The following CPA5 variants were observed in gnomAD, a reference collection of about 807,000 sequenced individuals.
CPA5 encodes carboxypeptidase A5, also known as testicular tissue protein Li 32.
CPA5 carries 38 observed loss-of-function variants against 52.2 expected under a neutral mutation model. The ratio of observed to expected loss-of-function variants is 0.73; its 90% CI spans 0.56 to 0.95. The LOEUF (loss-of-function observed/expected upper bound fraction) is 0.95. Among genes scored for constraint, CPA5 ranks in the 40% least tolerant of loss-of-function variants. The pLI is 0.00. For missense variants in CPA5, 519 were observed against 566.7 expected (o/e 0.92, Z 0.86); for synonymous variants, 198 against 213.7 (o/e 0.93, Z 0.64).
At chr7:130,371,022 C>T (rs1482383690), downstream of CPA5, among the ~76,000 whole-genome samples, 1 of 152,188 alleles carries the variant, frequency 6.6e-6, no homozygotes, top group Admixed American at 6.5e-5. Flanking sequence ...TGGGGGCTGC[C>T]TTGGCCCTAG....
downstream of CPA5, among the ~76,000 whole-genome samples, chr7:130,370,621 G>C (rs1383793941): frequency 6.6e-6 from 1 of 152,156 alleles, no homozygotes; most frequent in Non-Finnish European, 1.5e-5. Context: ...AGCCATACAA[G>C]GCCACAATGG....
At chr7:130,371,207 A>G (rs1315578939), downstream of CPA5, among the ~76,000 whole-genome samples, 1 of 152,256 alleles carries the variant, frequency 6.6e-6, no homozygotes, top group Admixed American at 6.5e-5. Flanking sequence ...CCAAGCCGAA[A>G]TAAACTCTTT....
At chr7:130,363,040 G>A (rs1795882638) in intron 9 of CPA5, 46 bp downstream of exon 9, 1 of 1,198,702 alleles carries the variant, frequency 8.3e-7, no homozygotes, top group Admixed American at 1.8e-5. Context: ...AGCTCTAGGG[G>A]GATGGAGAAA....
At chr7:130,364,703 G>A (rs903688522) in intron 10 of CPA5, among the ~76,000 whole-genome samples, 6 of 152,220 alleles carry the variant, frequency 3.9e-5, no homozygotes, top group African/African-American at 1.4e-4. Context: ...ATTACTTTAT[G>A]ACCCTGGTGC....
chr7:130,349,852 A>C, intron 4 of CPA5, 123 bp from the exon 5 acceptor site: 2 of 1,150,960 alleles, frequency 1.7e-6, no homozygotes, highest in Non-Finnish European at 2.4e-6. Context: ...CCCCGTCCCC[A>C]TCTCCTGCGT....
intron 4 of CPA5, 102 bp from the exon 5 acceptor site, chr7:130,349,873 T>A (rs1416459753): frequency 2.2e-6 from 3 of 1,355,316 alleles, no homozygotes; most frequent in Non-Finnish European, 3.0e-6. Flanking sequence ...AGAAAGAGGG[T>A]CTCTACTGGC....
intron 4 of CPA5, 96 bp from the exon 5 acceptor site, chr7:130,349,879 C>T: frequency 7.1e-7 from 1 of 1,418,138 alleles, no homozygotes; most frequent in Non-Finnish European, 9.5e-7. Context: ...AGGGTCTCTA[C>T]TGGCTGAGAG....
chr7:130,361,007 CT>C, intron 6 of CPA5, 135 bp from the exon 7 acceptor site: 1 of 611,654 alleles, frequency 1.6e-6, no homozygotes, highest in East Asian at 2.8e-5. Flanking sequence ...TATCTGGGTT[CT>C]TTTAGACCCT....
chr7:130,347,730 C>G, intron 3 of CPA5, 36 bp from the exon 4 acceptor site: 1 of 1,570,210 alleles, frequency 6.4e-7, no homozygotes, highest in South Asian at 1.1e-5. Context: ...GGATCCTTCT[C>G]CGCAGCTTCC....
intron 5 of CPA5, among the ~76,000 whole-genome samples, chr7:130,358,004 G>A (rs1197173346): frequency 7.7e-6 from 1 of 130,022 alleles, no homozygotes; most frequent in Non-Finnish European, 1.7e-5. Context: ...TTAGAAATAG[G>A]GTGTCACTCT....
downstream of CPA5, among the ~76,000 whole-genome samples, chr7:130,369,757 CAG>C (rs1430737870): frequency 1.3e-5 from 2 of 152,124 alleles, no homozygotes; most frequent in African/African-American, 4.8e-5. Flanking sequence ...GGGAAGAAAA[CAG>C]AGTGAAACAA....
chr7:130,367,467 G>A lies in CPA5; in HGVS notation c.934G>A (p.Ala312Thr). Residue 312 changes from alanine to threonine, a missense_variant, in exon 11 of 13, where the codon GCC (alanine) becomes ACC (threonine). Coordinates refer to ENST00000474905, the MANE Select transcript of CPA5 (RefSeq NM_080385.5). ...GGCTGCCATAGTGAACTTCATCACA[G>A]CCCATGGCAACTTCAAGGCTCTGAT... ...EVAAIVNFITAHGNFKALISI... is the reference protein window; with the variant it reads ...EVAAIVNFITTHGNFKALISI... 1.2e-6 allele frequency: 2 copies of A among 1,614,142 alleles called. No individual in the cohort carries two copies. Among genetic ancestry groups the A allele is most frequent in the Non-Finnish European group, 1.7e-6 (2 of 1,180,012 alleles).
downstream of CPA5, among the ~76,000 whole-genome samples, chr7:130,369,020 G>A (rs1796253176): frequency 6.6e-6 from 1 of 152,194 alleles, no homozygotes; most frequent in Non-Finnish European, 1.5e-5. Flanking sequence ...GGGCATTTCT[G>A]CCACCTTGAG....
At chr7:130,370,333 C>CT (rs111517155), downstream of CPA5, among the ~76,000 whole-genome samples, 55,462 of 149,358 alleles carry the variant, frequency 0.37, 10,245 homozygotes, top group Admixed American at 0.46. Context: ...CCACAGGAGA[C>CT]TTTTTTTTTT....
intron 10 of CPA5, among the ~76,000 whole-genome samples, chr7:130,366,523 G>A (rs1237283611): frequency 6.6e-6 from 1 of 152,132 alleles, no homozygotes; most frequent in African/African-American, 2.4e-5. Context: ...ATGAAACTTG[G>A]GAAAAGAATA....
chr7:130,364,361 T>C (rs1436015576), intron 10 of CPA5, among the ~76,000 whole-genome samples: 1 of 152,110 alleles, frequency 6.6e-6, no homozygotes, highest in Middle Eastern at 3.2e-3. Flanking sequence ...CTGGGCTAAT[T>C]TTTGTATTTT....
downstream of CPA5, among the ~76,000 whole-genome samples, chr7:130,371,239 GGCACGGTGCCAAGT>G (rs1796291708): frequency 6.6e-6 from 1 of 152,242 alleles, no homozygotes; most frequent in South Asian, 2.1e-4. Context: ...CAATGTGCCA[GGCACGGTGCCAAGT>G]GCATTAGGGG....
intron 5 of CPA5, among the ~76,000 whole-genome samples, chr7:130,357,240 G>A (rs1394578012): frequency 3.3e-5 from 5 of 152,168 alleles, no homozygotes; most frequent in African/African-American, 4.8e-5. Flanking sequence ...ACTAGGCCTC[G>A]GGGATGAGTG....
At chr7:130,352,784 G>T (rs782206109) in intron 5 of CPA5, among the ~76,000 whole-genome samples, 1 of 152,066 alleles carries the variant, frequency 6.6e-6, no homozygotes, top group Non-Finnish European at 1.5e-5. Flanking sequence ...ATCTGATTCC[G>T]AGCGAGCTCT....
Sources: allele counts gnomAD v4.1 joint callset (sites outside exome capture counted in the v4.1 genomes callset), GRCh38; gene constraint gnomAD v4.1.1; transcripts MANE v1.5; gene names NCBI Gene and HGNC (gene_info 2026-07-23, HGNC 2026-07-21).